The following ALDH3B2 variants were observed in gnomAD, a reference collection of about 807,000 sequenced individuals.
ALDH3B2 encodes the protein aldehyde dehydrogenase 3 family member B2, also known as aldehyde dehydrogenase family 3 member B2.
In ALDH3B2, 45 loss-of-function variants were observed where a neutral mutation model predicts 36.7. The ratio of observed to expected loss-of-function variants is 1.23; its 90% CI spans 0.97 to 1.57. The LOEUF (loss-of-function observed/expected upper bound fraction) is 1.57. Among genes scored for constraint, ALDH3B2 ranks in the 40% most tolerant of loss-of-function variants. ALDH3B2 has a pLI of 0.00. For missense variants in ALDH3B2, 464 were observed against 513.3 expected (o/e 0.90, Z 0.93); for synonymous variants, 217 against 226.5 (o/e 0.96, Z 0.38).
At chr11:67,676,108 G>C (rs183735657), upstream of ALDH3B2, among the ~76,000 whole-genome samples, 1 of 152,086 alleles carries the variant, frequency 6.6e-6, no homozygotes, top group South Asian at 2.1e-4. Context: ...TTAGCCAGGC[G>C]TGGTGGCATG....
upstream of ALDH3B2, among the ~76,000 whole-genome samples, chr11:67,678,713 A>ACACACTATGGTGTC (rs1555038272): frequency 6.7e-6 from 1 of 150,324 alleles, no homozygotes; most frequent in African/African-American, 2.4e-5. Flanking sequence ...GTGTCTATAT[A>ACACACTATGGTGTC]TATATATATA....
intron 1 of ALDH3B2, among the ~76,000 whole-genome samples, chr11:67,670,784 G>T (rs990525963): frequency 6.6e-6 from 1 of 152,212 alleles, no homozygotes; most frequent in Non-Finnish European, 1.5e-5. Context: ...TCCTGGCACA[G>T]GACCCCCACA....
chr11:67,679,383 A>G (rs1456782399), upstream of ALDH3B2, among the ~76,000 whole-genome samples: 2 of 152,034 alleles, frequency 1.3e-5, no homozygotes, highest in African/African-American at 4.8e-5. Context: ...AGGCAGGAGA[A>G]TTACTTAAAT....
chr11:67,665,134 G>C, intron 7 of ALDH3B2, 151 bp downstream of exon 7: 1 of 1,369,970 alleles, frequency 7.3e-7, no homozygotes, highest in Non-Finnish European at 9.9e-7. Context: ...GCACAGAGAC[G>C]GAATCGTGGC....
exon 7 of ALDH3B2, chr11:67,665,333 T>A (rs2447571): frequency 1.2e-6 from 2 of 1,611,724 alleles, no homozygotes; most frequent in Non-Finnish European, 1.7e-6. Context: ...GCCACGCGGC[T>A]GCAGCCCAGC....
intron 1 of ALDH3B2, among the ~76,000 whole-genome samples, chr11:67,670,744 G>A (rs528445012): frequency 1.6e-3 from 242 of 152,284 alleles, no homozygotes; most frequent in African/African-American, 5.6e-3. Context: ...TGCAGATGCC[G>A]CCTCCCTCCC....
chr11:67,663,879 G>T, intron 8 of ALDH3B2, 118 bp from the exon 9 acceptor site: 2 of 791,800 alleles, frequency 2.5e-6, no homozygotes, highest in Non-Finnish European at 3.9e-6. Context: ...CCTCTAACGG[G>T]CAATAATCTC....
exon 3 of ALDH3B2, chr11:67,666,970 T>C (rs754196722): frequency 1.2e-6 from 2 of 1,613,476 alleles, no homozygotes; most frequent in South Asian, 1.1e-5. Flanking sequence ...GTAGTCAACC[T>C]CGTTCTGGCA....
intron 1 of ALDH3B2, among the ~76,000 whole-genome samples, chr11:67,669,356 G>A (rs2134143581): frequency 6.6e-6 from 1 of 150,906 alleles, no homozygotes; most frequent in East Asian, 2.0e-4. Flanking sequence ...GTCTATGGGT[G>A]TCTGTGTGTC....
intron 9 of ALDH3B2, 49 bp from the exon 10 acceptor site, chr11:67,663,448 C>A: frequency 6.4e-7 from 1 of 1,574,724 alleles, no homozygotes; most frequent in Non-Finnish European, 8.6e-7. Flanking sequence ...GCCCATGGAG[C>A]CCCAGCAGCA....
chr11:67,666,909 G>A, exon 3 of ALDH3B2: 1 of 1,614,220 alleles, frequency 6.2e-7, no homozygotes, highest in South Asian at 1.1e-5. Flanking sequence ...GGCTCACCAG[G>A]TTCGTGGACC....
chr11:67,672,870 C>T (rs899246419), intron 1 of ALDH3B2, among the ~76,000 whole-genome samples: 4 of 151,884 alleles, frequency 2.6e-5, no homozygotes, highest in Admixed American at 2.0e-4. Context: ...GGATTACAGG[C>T]ATGAGTCACC....
chr11:67,669,634 G>T (rs111068650), intron 1 of ALDH3B2, among the ~76,000 whole-genome samples: 4,242 of 150,640 alleles, frequency 0.028, 210 homozygotes, highest in African/African-American at 0.094. Context: ...ATGTGTATGG[G>T]TGTGTGTGTC....
chr11:67,665,028 C>T (rs916303877), intron 7 of ALDH3B2, among the ~76,000 whole-genome samples: 8 of 152,140 alleles, frequency 5.3e-5, no homozygotes, highest in Non-Finnish European at 8.8e-5. Context: ...TGGGAATTCA[C>T]CTTAGCACGC....
At chr11:67,678,443 A>G (rs1164232686), upstream of ALDH3B2, among the ~76,000 whole-genome samples, 1 of 152,158 alleles carries the variant, frequency 6.6e-6, no homozygotes, top group Non-Finnish European at 1.5e-5. Flanking sequence ...CTGGATCCTC[A>G]TCTCTCACCT....
exon 2 of ALDH3B2, chr11:67,667,474 T>G (rs1175753261): frequency 5.3e-6 from 2 of 379,350 alleles, no homozygotes; most frequent in Non-Finnish European, 9.8e-6. Flanking sequence ...ACGGCCCACC[T>G]TATGCAGGTC....
chr11:67,665,164 G>T (rs1855860781), intron 7 of ALDH3B2, 121 bp downstream of exon 7: 1 of 1,487,228 alleles, frequency 6.7e-7, no homozygotes, highest in South Asian at 1.4e-5. Context: ...ATGGCTCAAG[G>T]CCGGGCTCTG....
intron 7 of ALDH3B2, 24 bp from the exon 8 acceptor site, chr11:67,664,586 G>T: frequency 6.2e-7 from 1 of 1,610,868 alleles, no homozygotes. Context: ...AGACGGCTCA[G>T]CCCTGGGGCC....
chr11:67,662,679 G>T (rs1416812991), exon 10 of ALDH3B2: 2 of 164,368 alleles, frequency 1.2e-5, no homozygotes, highest in Non-Finnish European at 2.7e-5. Context: ...GGATGGAGCT[G>T]CTGTGGGTGA....
Sources: gnomAD v4.1 joint callset for allele counts (sites outside exome capture counted in the v4.1 genomes callset) on GRCh38, gnomAD v4.1.1 for gene constraint, MANE v1.5 for transcripts, NCBI Gene and HGNC (gene_info 2026-07-23, HGNC 2026-07-21) for gene names.